Variants in RERE observed in about 807,000 individuals in gnomAD.
RERE encodes arginine-glutamic acid dipeptide repeats protein.
A neutral mutation model predicts 146.1 loss-of-function variants in RERE; 40 were observed. That is an observed-to-expected ratio of 0.27 (90% CI 0.21 to 0.36). RERE has a LOEUF of 0.36. Ranked by LOEUF, RERE falls within the 10% of genes least tolerant of loss-of-function variation. RERE has a pLI of 1.00. For missense variants in RERE, 1,933 were observed against 2,138.7 expected (o/e 0.90, Z 1.90); for synonymous variants, 1,003 against 866.0 (o/e 1.16, Z -2.78).
intron 1 of RERE, among the ~76,000 whole-genome samples, chr1:8,735,126 T>C (rs1199208887): frequency 6.6e-6 from 1 of 152,204 alleles, no homozygotes; most frequent in Non-Finnish European, 1.5e-5. Flanking sequence ...CCTAGTTTTA[T>C]TGACAGTAAA....
intron 1 of RERE, among the ~76,000 whole-genome samples, chr1:8,765,043 T>C (rs1254195715): frequency 6.6e-6 from 1 of 152,206 alleles, no homozygotes; most frequent in African/African-American, 2.4e-5. Flanking sequence ...TCACAGAAGT[T>C]TGTACATGAA....
intron 1 of RERE, among the ~76,000 whole-genome samples, chr1:8,721,584 G>C (rs1356879783): frequency 3.3e-5 from 5 of 152,138 alleles, no homozygotes; most frequent in African/African-American, 1.2e-4. Context: ...AAAATGCCGG[G>C]ATTACAGATG....
chr1:8,436,856 A>T (rs1395411569), intron 11 of RERE, among the ~76,000 whole-genome samples: 1 of 152,128 alleles, frequency 6.6e-6, no homozygotes, highest in Non-Finnish European at 1.5e-5. Flanking sequence ...CTGACCGTGC[A>T]TCTACACTTG....
chr1:8,667,374 T>C (rs1307103864), intron 1 of RERE, among the ~76,000 whole-genome samples: 1 of 152,192 alleles, frequency 6.6e-6, no homozygotes, highest in East Asian at 1.9e-4. Flanking sequence ...CTGTCTTTCT[T>C]TAAAAAACAC....
chr1:8,412,559 A>C (rs925832880), intron 12 of RERE, among the ~76,000 whole-genome samples: 1 of 152,232 alleles, frequency 6.6e-6, no homozygotes, highest in African/African-American at 2.4e-5. Context: ...GATTAATTTG[A>C]AGCCAAGTTG....
At chr1:8,795,429 C>G (rs1277596482) in intron 1 of RERE, among the ~76,000 whole-genome samples, 2 of 152,026 alleles carry the variant, frequency 1.3e-5, no homozygotes, top group Non-Finnish European at 2.9e-5. Flanking sequence ...TTCCAAGTAG[C>G]TGGAACTATA....
intron 11 of RERE, among the ~76,000 whole-genome samples, chr1:8,460,848 T>C (rs1191091449): frequency 1.3e-5 from 2 of 152,194 alleles, no homozygotes; most frequent in African/African-American, 2.4e-5. Flanking sequence ...CACAGCTCAC[T>C]GGAGCACCCA....
intron 1 of RERE, among the ~76,000 whole-genome samples, chr1:8,778,736 T>A (rs1420402379): frequency 6.6e-6 from 1 of 151,574 alleles, no homozygotes; most frequent in Non-Finnish European, 1.5e-5. Context: ...CTCGGGAGGC[T>A]GAGGAGGGAG....
intron 1 of RERE, among the ~76,000 whole-genome samples, chr1:8,806,162 T>C (rs1487477732): frequency 6.6e-6 from 1 of 152,076 alleles, no homozygotes; most frequent in African/African-American, 2.4e-5. Context: ...AACAAACTTA[T>C]TTTTGATTAT....
At chr1:8,557,355 C>G (rs1330558436) in intron 5 of RERE, 63 bp downstream of exon 5, 14 of 1,096,244 alleles carry the variant, frequency 1.3e-5, no homozygotes, top group Non-Finnish European at 2.0e-5. Flanking sequence ...AATGAAATGT[C>G]TTTAGAAAGA....
intron 1 of RERE, among the ~76,000 whole-genome samples, chr1:8,810,508 A>C (rs2124605972): frequency 6.6e-6 from 1 of 152,318 alleles, no homozygotes; most frequent in South Asian, 2.1e-4. Flanking sequence ...CAGGTGGCTG[A>C]GGCAGGAGGA....
intron 4 of RERE, among the ~76,000 whole-genome samples, chr1:8,573,878 T>C (rs1053659392): frequency 1.3e-5 from 2 of 152,162 alleles, no homozygotes. Context: ...CAATCACAGG[T>C]CACTGCAGCC....
chr1:8,553,391 C>T (rs887134017), intron 6 of RERE, among the ~76,000 whole-genome samples: 8 of 150,372 alleles, frequency 5.3e-5, no homozygotes, highest in African/African-American at 2.0e-4. Context: ...TAGGCCAGCG[C>T]GTCCACATGC....
At chr1:8,417,037 G>A (rs115960113) in intron 12 of RERE, among the ~76,000 whole-genome samples, 24 of 152,300 alleles carry the variant, frequency 1.6e-4, no homozygotes, top group Non-Finnish European at 2.2e-4. Flanking sequence ...GTATGTGGCC[G>A]TGACACATTT....
intron 8 of RERE, among the ~76,000 whole-genome samples, chr1:8,499,567 T>C (rs933896903): frequency 2.6e-5 from 4 of 152,244 alleles, no homozygotes; most frequent in Non-Finnish European, 5.9e-5. Flanking sequence ...TGTAAAAGTT[T>C]GTGGTTTTAA....
At chr1:8,482,910 A>C (rs890380517) in intron 10 of RERE, among the ~76,000 whole-genome samples, 15 of 152,208 alleles carry the variant, frequency 9.9e-5, no homozygotes, top group African/African-American at 3.6e-4. Flanking sequence ...TATGCTAATA[A>C]TCAGCTGAAA....
intron 8 of RERE, among the ~76,000 whole-genome samples, chr1:8,506,966 G>A (rs1035835346): frequency 2.6e-5 from 4 of 152,156 alleles, no homozygotes; most frequent in Non-Finnish European, 5.9e-5. Context: ...TGAGGATGAC[G>A]CCACCTCCAT....
At chr1:8,676,115 C>T (rs1434364411) in intron 1 of RERE, among the ~76,000 whole-genome samples, 1 of 151,956 alleles carries the variant, frequency 6.6e-6, no homozygotes, top group Non-Finnish European at 1.5e-5. Flanking sequence ...AATTAAATAC[C>T]CACAGTAAAT....
At chr1:8,781,971 T>C (rs1293628647) in intron 1 of RERE, among the ~76,000 whole-genome samples, 1 of 152,174 alleles carries the variant, frequency 6.6e-6, no homozygotes, top group Non-Finnish European at 1.5e-5. Flanking sequence ...TACCTGATTT[T>C]GAGGCAGCGT....
Sources: gnomAD v4.1 joint callset for allele counts (sites outside exome capture counted in the v4.1 genomes callset) on GRCh38, gnomAD v4.1.1 for gene constraint, MANE v1.5 for transcripts, NCBI Gene and HGNC (gene_info 2026-07-23, HGNC 2026-07-21) for gene names.